The following FUT8 variants were observed in gnomAD, a reference collection of about 807,000 sequenced individuals.
FUT8 encodes fucosyltransferase 8.
A neutral mutation model predicts 71.3 loss-of-function variants in FUT8; 29 were observed. The ratio of observed to expected loss-of-function variants is 0.41; its 90% confidence interval spans 0.30 to 0.55. The LOEUF is 0.55. Ranked by LOEUF, FUT8 falls within the 20% of genes least tolerant of loss-of-function variation. FUT8 has a pLI of 0.34. For synonymous variants in FUT8, 254 were observed against 239.3 expected (o/e 1.06, Z -0.57); for missense variants, 544 against 702.1 (o/e 0.77, Z 2.55).
chr14:65,512,633 G>A (rs911589714), intron 2 of FUT8, among the ~76,000 whole-genome samples: 4 of 151,936 alleles, frequency 2.6e-5, no homozygotes, highest in African/African-American at 7.3e-5. Context: ...TATTTTTGCC[G>A]GCTGTGGTGG....
chr14:65,532,833 G>A (rs531886096), intron 2 of FUT8, among the ~76,000 whole-genome samples: 2 of 152,144 alleles, frequency 1.3e-5, no homozygotes, highest in Non-Finnish European at 2.9e-5. Context: ...AATGTGTCCA[G>A]TTTCAATCTT....
chr14:65,459,828 A>G (rs1376637914), intron 2 of FUT8, among the ~76,000 whole-genome samples: 1 of 152,190 alleles, frequency 6.6e-6, no homozygotes, highest in Non-Finnish European at 1.5e-5. Flanking sequence ...ATTCACTGTG[A>G]GAAACAGTCA....
chr14:65,534,698 C>G (rs1884178337), intron 2 of FUT8, among the ~76,000 whole-genome samples: 1 of 151,404 alleles, frequency 6.6e-6, no homozygotes, highest in African/African-American at 2.4e-5. Flanking sequence ...TCTAGACTTT[C>G]TAGTTTTTGT....
intron 2 of FUT8, among the ~76,000 whole-genome samples, chr14:65,532,903 A>G (rs1884053730): frequency 6.6e-6 from 1 of 152,112 alleles, no homozygotes; most frequent in South Asian, 2.1e-4. Flanking sequence ...TCCTTTCTCC[A>G]TTGCTTGTTT....
intron 3 of FUT8, among the ~76,000 whole-genome samples, chr14:65,572,819 G>T (rs1326902623): frequency 6.6e-6 from 1 of 152,086 alleles, no homozygotes; most frequent in Non-Finnish European, 1.5e-5. Context: ...TGTGAGACAG[G>T]AGAAATAGAT....
At chr14:65,397,413 A>G in the FUT8 span, among the ~76,000 whole-genome samples, 4 of 152,232 alleles carry the variant, frequency 2.6e-5, no homozygotes, top group Admixed American at 2.6e-4. This position sits in a 1 kb window ranked among gnomAD's most constrained non-coding sequence, Gnocchi z 4.2. Context: ...ATGTGGTTCA[A>G]TCTCATTTCA....
chr14:65,451,482 TGCTAACAACTCAGTGGACCCTTTGCCTTC>T (rs1289909923), intron 1 of FUT8, among the ~76,000 whole-genome samples: 14 of 152,366 alleles, frequency 9.2e-5, no homozygotes, highest in Non-Finnish European at 1.3e-4. Flanking sequence ...ACAGCTTAAG[TGCTAACAACTCAGTGGACCCTTTGCCTTC>T]TTTTTGTGAA....
chr14:65,633,810 G>A (rs1475618120), intron 6 of FUT8, among the ~76,000 whole-genome samples: 1 of 152,038 alleles, frequency 6.6e-6, no homozygotes, highest in Admixed American at 6.5e-5. Context: ...GAAGTGAGGA[G>A]CGTCTCCGCC....
In FUT8 at chr14:65,639,400, A is replaced by G. The variant is rs1890723836; in HGVS notation, c.597+9794A>G. Reference sequence around the variant, plus strand: ...TAAGTATTTGGATATACTGGGCATTAGGTACATTGCTGGTGATATAGTCAT... The same window carrying G: ...TAAGTATTTGGATATACTGGGCATTGGGTACATTGCTGGTGATATAGTCAT... On this transcript the variant is annotated intron_variant, in intron 6 of 10. Transcript: ENST00000673929. Among the ~76,000 whole-genome samples, 2 of 152,090 alleles carry G rather than the reference A, an allele frequency of 1.3e-5. 1 individual carries two copies. Among genetic ancestry groups the G allele is most frequent in the South Asian group, 4.1e-4 (2 of 4,824 alleles).
intron 2 of FUT8, among the ~76,000 whole-genome samples, chr14:65,538,797 G>GT (rs1884499670): frequency 6.6e-6 from 1 of 152,020 alleles, no homozygotes; most frequent in Non-Finnish European, 1.5e-5. Context: ...GCATGCGCCT[G>GT]TAATCCCAGC....
intron 6 of FUT8, among the ~76,000 whole-genome samples, chr14:65,667,675 T>G (rs923393171): frequency 6.6e-6 from 1 of 151,966 alleles, no homozygotes; most frequent in African/African-American, 2.4e-5. Context: ...AAAAACTGAT[T>G]TAAAATTCAT....
chr14:65,441,677 C>T (rs145092999), intron 1 of FUT8, among the ~76,000 whole-genome samples: 1,546 of 138,752 alleles, frequency 0.011, 27 homozygotes, highest in African/African-American at 0.041. Context: ...TGCCTGAATC[C>T]GGGAGGCAGA....
chr14:65,450,400 C>T (rs747628048), intron 1 of FUT8, among the ~76,000 whole-genome samples: 14 of 152,122 alleles, frequency 9.2e-5, no homozygotes, highest in Non-Finnish European at 1.8e-4. Context: ...TTCTGTTTCT[C>T]CTGAAAACTT....
chr14:65,522,247 C>T (rs1883131047), intron 2 of FUT8, among the ~76,000 whole-genome samples: 1 of 152,076 alleles, frequency 6.6e-6, no homozygotes, highest in African/African-American at 2.4e-5. Context: ...CTTTTGGTGC[C>T]CTGGTTTTCT....
At chr14:65,508,004 A>C (rs944300175) in intron 2 of FUT8, among the ~76,000 whole-genome samples, 6 of 151,680 alleles carry the variant, frequency 4.0e-5, no homozygotes, top group African/African-American at 1.5e-4. Flanking sequence ...TTTTAACTGG[A>C]GTAAGATGAT....
At chr14:65,691,115 G>C (rs1007475814) in intron 7 of FUT8, among the ~76,000 whole-genome samples, 1 of 151,048 alleles carries the variant, frequency 6.6e-6, no homozygotes, top group South Asian at 2.1e-4. Context: ...TGGTTTTTTT[G>C]GGGGGTGGAG....
intron 2 of FUT8, among the ~76,000 whole-genome samples, chr14:65,475,122 C>T (rs1438763183): frequency 1.3e-5 from 2 of 152,108 alleles, no homozygotes; most frequent in African/African-American, 4.8e-5. Context: ...AATCTTGTCT[C>T]GCTTTTTCCT....
chr14:65,458,963 A>G (rs1339391609), intron 2 of FUT8, among the ~76,000 whole-genome samples: 3 of 151,878 alleles, frequency 2.0e-5, no homozygotes, highest in Non-Finnish European at 2.9e-5. Context: ...TAATTTTTGT[A>G]TTTTTAGAAG....
intron 2 of FUT8, among the ~76,000 whole-genome samples, chr14:65,528,297 A>C (rs1283603886): frequency 1.3e-5 from 2 of 152,122 alleles, no homozygotes; most frequent in Non-Finnish European, 2.9e-5. Context: ...TCGATCTCAG[A>C]CTGCTGTGCT....
Sources: allele counts gnomAD v4.1 joint callset (sites outside exome capture counted in the v4.1 genomes callset), GRCh38; gene constraint gnomAD v4.1.1; non-coding constraint Gnocchi (gnomAD v3.1); transcripts MANE v1.5; gene names NCBI Gene and HGNC (gene_info 2026-07-23, HGNC 2026-07-21).